P2RY8: variants seen among roughly 807,000 people sequenced by gnomAD.
P2RY8 encodes S-geranylgeranyl-glutathione receptor P2RY8.
In P2RY8, 6 loss-of-function variants were observed where a neutral mutation model predicts 10.0. The observed-to-expected ratio is 0.60, with a 90% CI of 0.33 to 1.19. The LOEUF (loss-of-function observed/expected upper bound fraction) is 1.19. P2RY8 is among the 50% of genes most tolerant of loss of function. The probability of loss-of-function intolerance (pLI) is 0.04; values close to 1 mark genes in which losing one functional copy is unlikely to be tolerated. For synonymous variants in P2RY8, 276 were observed against 252.5 expected, an observed-to-expected ratio of 1.09 and a Z score of -0.88; for missense variants, 456 against 542.0, an observed-to-expected ratio of 0.84 and a Z score of 1.58.
At chrX:1,530,176 C>G (rs867666207) in intron 1 of P2RY8, among the ~76,000 whole-genome samples, 3,467 of 122,206 alleles carry the variant, frequency 0.028, 59 homozygotes, top group African/African-American at 0.046. Context: ...ATCTATCTAT[C>G]TATCTATCTA....
At chrX:1,501,350 T>G (rs2092177302) in intron 1 of P2RY8, among the ~76,000 whole-genome samples, 1 of 152,154 alleles carries the variant, frequency 6.6e-6, no homozygotes, top group Admixed American at 6.5e-5. Flanking sequence ...TCATTTTCAC[T>G]TTCGTTTTTC....
Position 1,482,718 on chromosome X carries a change from T to C in P2RY8, c.-24-16136A>G, listed in dbSNP as rs768438020. On this transcript the variant is annotated intron_variant, in intron 1 of 1. Coordinates refer to ENST00000381297, the MANE Select transcript of P2RY8 (RefSeq NM_178129.5). Reference sequence around the variant, plus strand: ...TGGCTAGTCAGTTTTCCCAGCACCATTTATGAAAATGTGGCACATATACAC... The same window carrying C: ...TGGCTAGTCAGTTTTCCCAGCACCACTTATGAAAATGTGGCACATATACAC... Among the ~76,000 whole-genome samples, 15 of 152,280 alleles carry C rather than the reference T, an allele frequency of 9.9e-5. No individual in the cohort carries two copies. The South Asian group carries it at 3.1e-3, about 32-fold the overall frequency.
intron 1 of P2RY8, among the ~76,000 whole-genome samples, chrX:1,493,235 C>G (rs1251952370): frequency 6.7e-6 from 1 of 148,490 alleles, no homozygotes; most frequent in Non-Finnish European, 1.5e-5. Context: ...TTGCAGTGAG[C>G]AGAGGTCACG....
chrX:1,535,281 G>A (rs1402703579), intron 1 of P2RY8, among the ~76,000 whole-genome samples: 4 of 134,022 alleles, frequency 3.0e-5, no homozygotes, highest in African/African-American at 1.1e-4. Context: ...TCCGCCTCCT[G>A]GGTTCAAGTG....
At chrX:1,503,676 TCTGAGGTCAGGAGTTCGAGAACAG>T (rs2092201414) in intron 1 of P2RY8, among the ~76,000 whole-genome samples, 1 of 147,278 alleles carries the variant, frequency 6.8e-6, no homozygotes, top group South Asian at 2.2e-4. Context: ...GGGTGGATCA[TCTGAGGTCAGGAGTTCGAGAACAG>T]CCTGGCCAAT....
At chrX:1,506,946 G>C (rs2092239639) in intron 1 of P2RY8, among the ~76,000 whole-genome samples, 1 of 112,920 alleles carries the variant, frequency 8.9e-6, no homozygotes. Flanking sequence ...AAAGTGCTGG[G>C]ATGACAGGCG....
intron 1 of P2RY8, among the ~76,000 whole-genome samples, chrX:1,473,255 G>A (rs746304081): frequency 2.6e-5 from 4 of 151,246 alleles, no homozygotes; most frequent in East Asian, 2.0e-4. Context: ...GTGCGTGGAC[G>A]GATGGGTGAA....
chrX:1,486,446 C>G (rs2091987240), intron 1 of P2RY8, among the ~76,000 whole-genome samples: 1 of 152,156 alleles, frequency 6.6e-6, no homozygotes, highest in Admixed American at 6.6e-5. Flanking sequence ...ACATCATGCT[C>G]AGGGAGAGAA....
intron 1 of P2RY8, among the ~76,000 whole-genome samples, chrX:1,492,850 A>G (rs1301700145): frequency 1.1e-4 from 16 of 151,762 alleles, no homozygotes; most frequent in Non-Finnish European, 8.8e-5. Flanking sequence ...ATTCATCACT[A>G]ATTCCCCAGT....
At chrX:1,513,706 G>T (rs1407160779) in intron 1 of P2RY8, among the ~76,000 whole-genome samples, 1 of 151,010 alleles carries the variant, frequency 6.6e-6, no homozygotes, top group African/African-American at 2.4e-5. Flanking sequence ...GTTTCTGGTG[G>T]CCACTATTCA....
At chrX:1,487,997 C>A (rs2092002079) in intron 1 of P2RY8, among the ~76,000 whole-genome samples, 3 of 152,032 alleles carry the variant, frequency 2.0e-5, no homozygotes. Flanking sequence ...GTAATCCCAG[C>A]AACTTGGGAG....
intron 1 of P2RY8, among the ~76,000 whole-genome samples, chrX:1,479,435 G>T (rs1438437039): frequency 1.3e-5 from 2 of 152,222 alleles, no homozygotes; most frequent in Non-Finnish European, 2.9e-5. Context: ...CGATTTCTAG[G>T]AGAAGATCTG....
At chrX:1,487,286 C>G (rs2091995572) in intron 1 of P2RY8, among the ~76,000 whole-genome samples, 1 of 152,164 alleles carries the variant, frequency 6.6e-6, no homozygotes, top group Non-Finnish European at 1.5e-5. Flanking sequence ...CTGGAGATGA[C>G]AGGGAAGGAG....
chrX:1,480,780 C>T (rs774799240), intron 1 of P2RY8, among the ~76,000 whole-genome samples: 1 of 151,974 alleles, frequency 6.6e-6, no homozygotes, highest in South Asian at 2.1e-4. Flanking sequence ...TGTAACAAAC[C>T]TGCATGTTCT....
chrX:1,516,629 C>T (rs2092352527), intron 1 of P2RY8, among the ~76,000 whole-genome samples: 1 of 151,880 alleles, frequency 6.6e-6, no homozygotes, highest in South Asian at 2.1e-4. Context: ...GAGGAACCAG[C>T]CCTGCCTACA....
chrX:1,474,437 G>A lies in P2RY8; in HGVS notation c.-24-7855C>T, dbSNP rs1214955934. Among the ~76,000 whole-genome samples the A allele has an allele frequency of 3.5e-5, 4 of 113,468 alleles. 1 individual carries two copies. The highest frequency in any genetic ancestry group is 8.2e-5 in the Non-Finnish European group (4 of 48,682). The allele number at this position is 113,468 out of a possible 152,430, so 74.4% of individuals were successfully genotyped here. A position where few individuals can be genotyped will look rare whatever the true frequency, so the allele number is the denominator to read the frequency against. On this transcript the variant is annotated intron_variant, in intron 1 of 1. Transcript: ENST00000381297. ...TGGACGTGTGAGTGGATGGATGGGT[G>A]GATAGATGGATGAGTGGGAGGATGG...
At chrX:1,504,200 C>T (rs1283528286) in intron 1 of P2RY8, among the ~76,000 whole-genome samples, 8 of 151,740 alleles carry the variant, frequency 5.3e-5, no homozygotes, top group Non-Finnish European at 1.0e-4. Context: ...CCTGTAGTCC[C>T]AGCTACTCGG....
intron 1 of P2RY8, among the ~76,000 whole-genome samples, chrX:1,478,108 G>C (rs2091895630): frequency 6.6e-6 from 1 of 152,144 alleles, no homozygotes; most frequent in African/African-American, 2.4e-5. Context: ...AGACGTCAGA[G>C]CTGTGGCCAG....
intron 1 of P2RY8, among the ~76,000 whole-genome samples, chrX:1,467,958 T>G (rs1310103054): frequency 6.6e-6 from 1 of 150,980 alleles, no homozygotes; most frequent in African/African-American, 2.4e-5. Flanking sequence ...GGACTACAGG[T>G]GACAGTACCT....
Sources: allele counts gnomAD v4.1 joint callset (sites outside exome capture counted in the v4.1 genomes callset), GRCh38; gene constraint gnomAD v4.1.1; transcripts MANE v1.5; gene names NCBI Gene and HGNC (gene_info 2026-07-23, HGNC 2026-07-21).